ITGA1: variants seen among roughly 807,000 people sequenced by gnomAD.
The protein encoded by ITGA1 is integrin subunit alpha 1, also known as integrin alpha-1.
ITGA1 carries 85 observed loss-of-function variants against 145.9 expected under a neutral mutation model. The ratio of observed to expected loss-of-function variants is 0.58; its 90% CI spans 0.49 to 0.70. The LOEUF (loss-of-function observed/expected upper bound fraction) is 0.70, where lower values mean the gene tolerates loss of function less well. ITGA1 is among the 30% of genes least tolerant of loss of function. The pLI is 0.00. For missense variants in ITGA1, 1,351 were observed against 1,418.7 expected, an observed-to-expected ratio of 0.95 and a Z score of 0.77; for synonymous variants, 520 against 495.3, an observed-to-expected ratio of 1.05 and a Z score of -0.66.
chr5:52,911,785 A>ATATACTATATATG (rs1750547426), intron 14 of ITGA1, among the ~76,000 whole-genome samples: 2 of 131,504 alleles, frequency 1.5e-5, no homozygotes, highest in African/African-American at 5.7e-5. Context: ...CTATATATAT[A>ATATACTATATATG]GTGTATCTAC....
At chr5:52,820,456 GGCACATGTATACATATGTAACAAACCT>G (rs1748859143) in intron 1 of ITGA1, among the ~76,000 whole-genome samples, 1 of 150,138 alleles carries the variant, frequency 6.7e-6, no homozygotes, top group African/African-American at 2.5e-5. Flanking sequence ...ACACCAACAT[GGCACATGTATACATATGTAACAAACCT>G]GCACGTTGTG....
chr5:52,831,055 G>A (rs1458707320), intron 1 of ITGA1, among the ~76,000 whole-genome samples: 1 of 152,126 alleles, frequency 6.6e-6, no homozygotes, highest in Non-Finnish European at 1.5e-5. Flanking sequence ...AACACAGAGA[G>A]TTTCCAACTT....
intron 6 of ITGA1, among the ~76,000 whole-genome samples, chr5:52,880,069 G>T (rs1749931335): frequency 6.6e-6 from 1 of 152,164 alleles, no homozygotes; most frequent in Non-Finnish European, 1.5e-5. Flanking sequence ...CCATGAAGTG[G>T]CAGTGGCACT....
Position 52,944,911 on chromosome 5 carries a change from T to C in ITGA1, c.3286-32T>C, listed in dbSNP as rs543449105. The C allele has an allele frequency of 1.2e-4, 169 of 1,410,026 alleles. 1 individual carries two copies. In the South Asian group the frequency reaches 1.9e-3, roughly 15 times the overall value. 87.3% of individuals were successfully genotyped at this position (1,410,026 alleles called of 1,614,324 possible). On this transcript the variant is annotated intron_variant, in intron 26 of 28. Coordinates refer to ENST00000282588, the MANE Select transcript of ITGA1 (RefSeq NM_181501.2). ...CTAGCTCTCATTTTGATTAGCATCA[T>C]ATATTAAGAACAAATCCTATTTGCT... is the stretch of plus-strand genomic sequence containing the variant.
chr5:52,811,094 G>A (rs528373375), intron 1 of ITGA1, among the ~76,000 whole-genome samples: 4 of 152,246 alleles, frequency 2.6e-5, no homozygotes, highest in Admixed American at 2.0e-4. Context: ...ATAATTCAAC[G>A]ATTATTTGCT....
At chr5:52,938,864 G>GT (rs1319262846) in intron 24 of ITGA1, among the ~76,000 whole-genome samples, 1 of 151,968 alleles carries the variant, frequency 6.6e-6, no homozygotes, top group East Asian at 1.9e-4. Flanking sequence ...CTTTTCAATT[G>GT]TTTCATGAGC....
rs530751692 is a variant in ITGA1 at position 52,952,354 on chromosome 5, T to C, written c.3496-53T>C. On this transcript the variant is annotated intron_variant, in intron 28 of 28. Transcript: ENST00000282588. Reference sequence around the variant, plus strand: ...TAATTCTATCCAAAGGATTAATATTTGCTACCTAAATTAAAATAGTTAATT... The same window carrying C: ...TAATTCTATCCAAAGGATTAATATTCGCTACCTAAATTAAAATAGTTAATT... 41 of 964,066 alleles carry C rather than the reference T, an allele frequency of 4.3e-5. No homozygotes were observed. In the East Asian group the frequency reaches 1.2e-3, roughly 28 times the overall value. 59.7% of individuals were successfully genotyped at this position (964,066 alleles called of 1,614,324 possible).
chr5:52,881,610 A>G (rs1749961090), intron 6 of ITGA1, among the ~76,000 whole-genome samples: 1 of 152,234 alleles, frequency 6.6e-6, no homozygotes, highest in African/African-American at 2.4e-5. Context: ...ACCAAGGCCT[A>G]CCAGAGTTAC....
chr5:52,849,864 G>A (rs965703887), intron 2 of ITGA1, among the ~76,000 whole-genome samples: 1 of 152,162 alleles, frequency 6.6e-6, no homozygotes, highest in South Asian at 2.1e-4. Context: ...ATGGTGCTCT[G>A]AAAGGGTTTA....
chr5:52,861,770 T>C (rs1294251016), intron 3 of ITGA1, among the ~76,000 whole-genome samples: 1 of 149,856 alleles, frequency 6.7e-6, no homozygotes, highest in Non-Finnish European at 1.5e-5. Context: ...CTCAAGAGGA[T>C]GAAGTGTGAG....
chr5:52,795,657 G>A (rs557029571), intron 1 of ITGA1, among the ~76,000 whole-genome samples: 53 of 151,814 alleles, frequency 3.5e-4, no homozygotes, highest in Non-Finnish European at 5.9e-4. Flanking sequence ...TTTTTCCAAG[G>A]CTGAATAATT....
intron 26 of ITGA1, among the ~76,000 whole-genome samples, chr5:52,944,030 G>A (rs571327605): frequency 1.4e-3 from 206 of 152,280 alleles, no homozygotes; most frequent in African/African-American, 4.6e-3. Context: ...TCTGGCAGGC[G>A]GGAGAGGCTG....
At chr5:52,847,782 T>C (rs1298333249) in intron 1 of ITGA1, among the ~76,000 whole-genome samples, 5 of 152,238 alleles carry the variant, frequency 3.3e-5, no homozygotes. Context: ...CTCAAACTCC[T>C]GACCTCAGGT....
intron 1 of ITGA1, among the ~76,000 whole-genome samples, chr5:52,833,845 A>G (rs1429098404): frequency 6.6e-6 from 1 of 152,196 alleles, no homozygotes; most frequent in Non-Finnish European, 1.5e-5. Context: ...TGTGCCATTA[A>G]AGACAAAGAA....
At chr5:52,895,240 T>C (rs1221912138) in intron 9 of ITGA1, among the ~76,000 whole-genome samples, 3 of 152,242 alleles carry the variant, frequency 2.0e-5, no homozygotes, top group Non-Finnish European at 2.9e-5. Context: ...CCTTTTCCCC[T>C]GGCCTCTTTC....
At chr5:52,808,852 T>C (rs1332321844) in intron 1 of ITGA1, among the ~76,000 whole-genome samples, 1 of 152,110 alleles carries the variant, frequency 6.6e-6, no homozygotes, top group Non-Finnish European at 1.5e-5. Context: ...AGAGGGTTGG[T>C]AACTTGCTCA....
rs922422706 is a variant in ITGA1, at chr5:52,833,855, A to C, written c.62-15510A>C. ...GGAATTGTGCCATTAAAGACAAAGA[A>C]AAAGAAAAAAGAAAAGCAGTTGGCT... On this transcript the variant is annotated intron_variant, in intron 1 of 28. Transcript: ENST00000282588. 7.2e-5 allele frequency among the ~76,000 whole-genome samples: 11 copies of C among 152,242 alleles called. No individual in the cohort carries two copies. The South Asian group carries it at 8.3e-4, about 11-fold the overall frequency.
At chr5:52,803,133 C>T (rs1748521796) in intron 1 of ITGA1, 2 of 152,288 alleles carry the variant, frequency 1.3e-5, no homozygotes, top group South Asian at 2.1e-4. Context: ...CCGGTCTTTC[C>T]TGTGTCTGTG....
intron 1 of ITGA1, among the ~76,000 whole-genome samples, chr5:52,794,106 A>T (rs887220018): frequency 6.6e-6 from 1 of 152,028 alleles, no homozygotes. Context: ...CAAACAGGAG[A>T]TCCCTATTAA....
Sources: allele counts gnomAD v4.1 joint callset (sites outside exome capture counted in the v4.1 genomes callset), GRCh38; gene constraint gnomAD v4.1.1; transcripts MANE v1.5; gene names NCBI Gene and HGNC (gene_info 2026-07-23, HGNC 2026-07-21).